Variants in ZGRF1 observed in about 807,000 individuals in gnomAD.
ZGRF1 encodes 5'-3' DNA helicase ZGRF1.
ZGRF1 carries 196 observed loss-of-function variants against 203.5 expected under a neutral mutation model. That is an observed-to-expected ratio of 0.96 (90% CI 0.86 to 1.08). ZGRF1 has a LOEUF of 1.08. Among genes scored for constraint, ZGRF1 ranks in the 50% least tolerant of loss-of-function variants. The probability of loss-of-function intolerance (pLI) is 0.00; values close to 1 mark genes in which losing one functional copy is unlikely to be tolerated. For synonymous variants in ZGRF1, 809 were observed against 841.3 expected, an observed-to-expected ratio of 0.96 and a Z score of 0.66; for missense variants, 2,326 against 2,416.3, an observed-to-expected ratio of 0.96 and a Z score of 0.78.
chr4:112,590,984 TACA>T (rs1223988597), intron 10 of ZGRF1, among the ~76,000 whole-genome samples: 3 of 151,832 alleles, frequency 2.0e-5, no homozygotes, highest in Non-Finnish European at 4.4e-5. Flanking sequence ...ATATATATTT[TACA>T]ACATTTTCTT....
At chr4:112,546,627 G>C (rs531378072) in intron 24 of ZGRF1, among the ~76,000 whole-genome samples, 1 of 152,250 alleles carries the variant, frequency 6.6e-6, no homozygotes, top group East Asian at 1.9e-4. Flanking sequence ...CACATGAGTG[G>C]GTTCCTCATA....
At position 112,581,780 on chromosome 4, in the gene ZGRF1, T is replaced by A; in HGVS notation, c.4321A>T (p.Lys1441Ter). 1 of 1,456,480 alleles carries A rather than the reference T, an allele frequency of 6.9e-7. No homozygotes were observed. Among genetic ancestry groups the A allele is most frequent in the South Asian group, 1.4e-5 (1 of 70,234 alleles). 90.2% of individuals were successfully genotyped at this position (1,456,480 alleles called of 1,614,324 possible). The change falls in exon 16 of 28, where the codon AAA (lysine) becomes TAA (stop). Residue 1441 changes from lysine (K) to a stop codon, truncating the protein, a stop_gained. Transcript: ENST00000505019. LOFTEE classifies it high-confidence loss of function. ...LVRKGFDFQR[K>*]QYGKLKKFTT... ...AACTTCTTTAGTTTGCCATACTGTT[T>A]TCTCTGAAAATCAAATCCTTTTCTG...
At chr4:112,635,956 T>C (rs2047606739) in intron 1 of ZGRF1, among the ~76,000 whole-genome samples, 1 of 151,780 alleles carries the variant, frequency 6.6e-6, no homozygotes, top group African/African-American at 2.4e-5. Context: ...AATTCGATTA[T>C]AGGAGAAAAC....
intron 11 of ZGRF1, among the ~76,000 whole-genome samples, chr4:112,588,460 C>T (rs1747611075): frequency 6.6e-6 from 1 of 152,018 alleles, no homozygotes; most frequent in African/African-American, 2.4e-5. Flanking sequence ...TATCATGTTA[C>T]CCTTCAGAGT....
chr4:112,539,655 ATACTGGTTTGCATG>A lies in ZGRF1; in HGVS notation c.6193_6206del (p.His2065Ter). On this transcript the variant is annotated frameshift_variant, in exon 28 of 28. Coordinates refer to ENST00000505019, the MANE Select transcript of ZGRF1 (RefSeq NM_018392.5). LOFTEE classifies it high-confidence loss of function. ...TAAGGAGATGGTTCAGCTGTGGTTC[ATACTGGTTTGCATG>A]TTGCAATCCATCTTCCCTTCCTTAA... 1 of 1,608,220 alleles carries A rather than the reference ATACTGGTTTGCATG, an allele frequency of 6.2e-7. No homozygotes were observed. Among genetic ancestry groups the A allele is most frequent in the South Asian group, 1.1e-5 (1 of 89,502 alleles).
At chr4:112,564,107 A>T (rs538793942) in intron 16 of ZGRF1, among the ~76,000 whole-genome samples, 1 of 152,364 alleles carries the variant, frequency 6.6e-6, no homozygotes, top group Non-Finnish European at 1.5e-5. Context: ...AGGCTGAGAA[A>T]ACCAACTGCC....
chr4:112,565,951 A>C (rs1162396546), intron 16 of ZGRF1, among the ~76,000 whole-genome samples: 4 of 152,188 alleles, frequency 2.6e-5, no homozygotes, highest in African/African-American at 7.2e-5. Flanking sequence ...TTCCTCAGGG[A>C]TCTAGAACTA....
At chr4:112,556,849 A>G (rs889647695) in intron 20 of ZGRF1, among the ~76,000 whole-genome samples, 2 of 152,172 alleles carry the variant, frequency 1.3e-5, no homozygotes, top group Admixed American at 6.5e-5. Flanking sequence ...TAATTATAAA[A>G]ATTAATTTTT....
intron 16 of ZGRF1, among the ~76,000 whole-genome samples, chr4:112,573,451 G>C (rs6533629): frequency 1.3e-5 from 2 of 151,788 alleles, no homozygotes; most frequent in Non-Finnish European, 2.9e-5. Flanking sequence ...AATTTGATAC[G>C]GTGTATACTG....
chr4:112,564,925 C>T (rs1008151864), intron 16 of ZGRF1: 12 of 721,146 alleles, frequency 1.7e-5, no homozygotes, highest in African/African-American at 1.6e-4. Flanking sequence ...ACGCCAGCGC[C>T]GCCTGTCGCT....
At position 112,542,815 on chromosome 4, in the gene ZGRF1, T is replaced by TTTTC. The variant is rs756056873; in HGVS notation, c.5599-1551_5599-1548dup. On this transcript the variant is annotated intron_variant, in intron 24 of 27. Coordinates refer to ENST00000505019, the MANE Select transcript of ZGRF1 (RefSeq NM_018392.5). ...TTCTTTCTTTTTTCTTTTCTTTTCT[T>TTTTC]TTTCTTTCTTTCTTTCTTGTTTCAA... Among the ~76,000 whole-genome samples the TTTTC allele has an allele frequency of 4.9e-4, 75 of 151,898 alleles. 1 individual carries two copies. Among genetic ancestry groups the TTTTC allele is most frequent in the East Asian group, 4.8e-3 (25 of 5,182 alleles).
chr4:112,571,775 A>G (rs926841450), intron 16 of ZGRF1, among the ~76,000 whole-genome samples: 2 of 152,238 alleles, frequency 1.3e-5, no homozygotes, highest in African/African-American at 2.4e-5. Context: ...ATGAAACTTG[A>G]TAAGATGATT....
Position 112,558,291 on chromosome 4 carries a change from T to C in ZGRF1, c.4979A>G (p.Lys1660Arg). Residue 1660 changes from lysine (K) to arginine (R), a missense_variant, in exon 20 of 28, where the codon AAG (lysine) becomes AGG (arginine). Coordinates refer to ENST00000505019, the MANE Select transcript of ZGRF1 (RefSeq NM_018392.5). ...AATCACCACTGCCAGCAAGTAACTC[T>C]TTCCTGCTCCAAACACACCTAATTA... Reference protein sequence around the residue: ...TIIHGVFGAGKSYLLAVVILF... With the variant: ...TIIHGVFGAGRSYLLAVVILF... 2.6e-6 allele frequency: 4 copies of C among 1,567,596 alleles called. No homozygotes were observed. Among genetic ancestry groups the C allele is most frequent in the East Asian group, 2.4e-5 (1 of 41,978 alleles).
intron 16 of ZGRF1, among the ~76,000 whole-genome samples, chr4:112,579,424 C>T (rs1215706611): frequency 8.2e-6 from 1 of 122,048 alleles, no homozygotes; most frequent in Non-Finnish European, 1.8e-5. Context: ...CTGGCCAGGG[C>T]AATCAGGCAA....
Position 112,617,759 on chromosome 4 carries a change from G to A in ZGRF1, c.2283C>T (p.Ser761=), listed in dbSNP as rs1328046994. The A allele has an allele frequency of 6.2e-7, 1 of 1,614,058 alleles. No homozygotes were observed. The highest frequency in any genetic ancestry group is 1.7e-5 in the Admixed American group (1 of 60,018). ...TTCCCAGTGGGTAAAACAAAGAATT[G>A]GAAATGTGGGTATTTGATTTATCAA... ...IALDKSNTHI[S]NSLFYPLGKK... Residue 761 remains serine, a synonymous_variant, in exon 6 of 28, where the codon TCC becomes TCT. Transcript: ENST00000505019.
At chr4:112,631,839 C>T in intron 3 of ZGRF1, 91 bp downstream of exon 3, 1 of 585,100 alleles carries the variant, frequency 1.7e-6, no homozygotes, top group African/African-American at 1.9e-5. Flanking sequence ...ATGGATATAT[C>T]TGACATTTTA....
Position 112,617,568 on chromosome 4 carries a change from G to T in ZGRF1, c.2474C>A (p.Thr825Asn). The change falls in exon 6 of 28, where the codon ACC becomes AAC. Residue 825 changes from threonine to asparagine, a missense_variant. Coordinates refer to ENST00000505019, the MANE Select transcript of ZGRF1 (RefSeq NM_018392.5). ...NSSELSGLVN[T>N]ISILKSLCEH... ...ACATAGCGACTTTAAAATAGAAATG[G>T]TATTTACTAATCCAGAAAGTTCTGA... The T allele has an allele frequency of 3.7e-6, 6 of 1,613,524 alleles. No individual in the cohort carries two copies. Among genetic ancestry groups the T allele is most frequent in the East Asian group, 2.2e-5 (1 of 44,864 alleles).
At position 112,617,717 on chromosome 4, in the gene ZGRF1, G is replaced by A. The variant is rs765379402; in HGVS notation, c.2325C>T (p.Ser775=). Residue 775 remains serine, a synonymous_variant, in exon 6 of 28, where the codon TCC becomes TCT. Transcript: ENST00000505019. ...CAGATATATGTGCTTCTGTGTCTTT[G>A]GAAATAAGATGCTTTTTTCCCAGTG... ...FYPLGKKHLI[S]KDTEAHISEP... The A allele has an allele frequency of 6.2e-6, 10 of 1,613,902 alleles. No individual in the cohort carries two copies. In the African/African-American group the frequency reaches 1.2e-4, roughly 19 times the overall value.
At chr4:112,584,364 T>A (rs770036631) in intron 14 of ZGRF1, among the ~76,000 whole-genome samples, 190 bp from the exon 15 acceptor site, 11 of 152,218 alleles carry the variant, frequency 7.2e-5, no homozygotes, top group Non-Finnish European at 2.9e-5. Flanking sequence ...TTACTTTCTC[T>A]TTATCAAAAG....
Sources: allele counts gnomAD v4.1 joint callset (sites outside exome capture counted in the v4.1 genomes callset), GRCh38; gene constraint gnomAD v4.1.1; transcripts MANE v1.5; gene names NCBI Gene and HGNC (gene_info 2026-07-23, HGNC 2026-07-21).